The following TMEM132D variants were observed in gnomAD, a reference collection of about 807,000 sequenced individuals.
TMEM132D encodes the protein mature OL transmembrane protein.
A neutral mutation model predicts 62.3 loss-of-function variants in TMEM132D; 21 were observed. The observed-to-expected ratio is 0.34, with a 90% confidence interval of 0.24 to 0.49. The LOEUF is 0.49. Among genes scored for constraint, TMEM132D ranks in the 20% least tolerant of loss-of-function variants. TMEM132D has a pLI of 0.99. For synonymous variants in TMEM132D, 621 were observed against 575.6 expected, an observed-to-expected ratio of 1.08 and a Z score of -1.13; for missense variants, 1,346 against 1,402.8, an observed-to-expected ratio of 0.96 and a Z score of 0.65.
chr12:129,456,043 G>T (rs745308529), intron 3 of TMEM132D, among the ~76,000 whole-genome samples: 3 of 152,202 alleles, frequency 2.0e-5, no homozygotes, highest in Non-Finnish European at 2.9e-5. Context: ...GATGTTAGCA[G>T]ACAGAACCAT....
chr12:129,179,252 A>G (rs1332718117), intron 5 of TMEM132D, among the ~76,000 whole-genome samples: 1 of 152,212 alleles, frequency 6.6e-6, no homozygotes, highest in Non-Finnish European at 1.5e-5. Context: ...GTATTGCTCC[A>G]ACAATGAAAT....
chr12:129,664,264 C>T (rs908675950), intron 2 of TMEM132D, among the ~76,000 whole-genome samples: 1 of 152,122 alleles, frequency 6.6e-6, no homozygotes, highest in Non-Finnish European at 1.5e-5. Context: ...GCCTCTGGAC[C>T]TTTTGGGCAA....
At chr12:129,369,901 C>G (rs543136302) in intron 3 of TMEM132D, among the ~76,000 whole-genome samples, 2 of 152,122 alleles carry the variant, frequency 1.3e-5, no homozygotes, top group African/African-American at 4.8e-5. Context: ...GATATGGTAC[C>G]GGGGAAGGGA....
intron 5 of TMEM132D, among the ~76,000 whole-genome samples, chr12:129,206,938 G>A (rs914488642): frequency 1.3e-5 from 2 of 152,088 alleles, no homozygotes; most frequent in East Asian, 3.9e-4. Context: ...CACACACTGG[G>A]GTCTATGGAA....
intron 3 of TMEM132D, among the ~76,000 whole-genome samples, chr12:129,486,872 C>T (rs576036328): frequency 6.6e-6 from 1 of 151,718 alleles, no homozygotes; most frequent in Non-Finnish European, 1.5e-5. Context: ...ATAGAAACAG[C>T]CTTGAACAAA....
In TMEM132D at chr12:129,080,868, G is replaced by A. The variant is rs1179236490; in HGVS notation, c.1923+891C>T. Among the ~76,000 whole-genome samples the A allele has an allele frequency of 2.6e-5, 4 of 152,284 alleles. No individual in the cohort carries two copies. In the South Asian group the frequency reaches 6.2e-4, roughly 24 times the overall value. Reference sequence around the variant, plus strand: ...CCTCCCAGAACACTGTTTTGTTAAAGTGTTTCAAAACCCAAGTGTTGCCAC... The same window carrying A: ...CCTCCCAGAACACTGTTTTGTTAAAATGTTTCAAAACCCAAGTGTTGCCAC... On this transcript the variant is annotated intron_variant, in intron 7 of 8. Coordinates refer to ENST00000422113, the MANE Select transcript of TMEM132D (RefSeq NM_133448.3).
intron 1 of TMEM132D, among the ~76,000 whole-genome samples, chr12:129,776,227 C>A (rs1870917238): frequency 6.6e-6 from 1 of 152,066 alleles, no homozygotes; most frequent in African/African-American, 2.4e-5. Flanking sequence ...GCCAATTGCT[C>A]CATAACCACA....
At chr12:129,678,224 A>G (rs1322998092) in intron 2 of TMEM132D, among the ~76,000 whole-genome samples, 5 of 152,132 alleles carry the variant, frequency 3.3e-5, no homozygotes, top group African/African-American at 1.2e-4. Context: ...GTCATTCCCA[A>G]TTATTTTCTG....
chr12:129,344,110 G>A (rs748354271), intron 3 of TMEM132D, among the ~76,000 whole-genome samples: 4 of 152,296 alleles, frequency 2.6e-5, no homozygotes, highest in African/African-American at 7.2e-5. Flanking sequence ...TCTGTCTGTG[G>A]AGTAGCTGTC....
chr12:129,828,912 C>G, intron 1 of TMEM132D, among the ~76,000 whole-genome samples: 1 of 151,544 alleles, frequency 6.6e-6, no homozygotes, highest in Non-Finnish European at 1.5e-5. Flanking sequence ...CCAGAGCCAT[C>G]TGCACCTTGC....
chr12:129,419,369 C>T (rs1007971076), intron 3 of TMEM132D, among the ~76,000 whole-genome samples: 1 of 152,118 alleles, frequency 6.6e-6, no homozygotes, highest in Non-Finnish European at 1.5e-5. Flanking sequence ...CTGCAAGAGG[C>T]TCTTTTCCCT....
At chr12:129,171,351 C>A (rs980080671) in intron 5 of TMEM132D, among the ~76,000 whole-genome samples, 1 of 152,194 alleles carries the variant, frequency 6.6e-6, no homozygotes, top group African/African-American at 2.4e-5. Flanking sequence ...GCACTGACTT[C>A]CTGCACTGAA....
Position 129,297,209 on chromosome 12 carries a change from G to T in TMEM132D, c.1299+40425C>A, listed in dbSNP as rs12299086. Reference sequence around the variant, plus strand: ...AGGGGGCTGGAAAAACTGGCTGAAGGTCCTGGAACCAGGTGGGGCAGACAG... The same window carrying T: ...AGGGGGCTGGAAAAACTGGCTGAAGTTCCTGGAACCAGGTGGGGCAGACAG... On this transcript the variant is annotated intron_variant, in intron 4 of 8. Coordinates refer to ENST00000422113, the MANE Select transcript of TMEM132D (RefSeq NM_133448.3). 8.2e-3 allele frequency among the ~76,000 whole-genome samples: 1,245 copies of T among 152,274 alleles called. 43 individuals are homozygous for T. Among genetic ancestry groups the T allele is most frequent in the Admixed American group, 0.054 (827 of 15,290 alleles).
At chr12:129,124,823 G>C (rs1408344481) in intron 5 of TMEM132D, among the ~76,000 whole-genome samples, 1 of 152,130 alleles carries the variant, frequency 6.6e-6, no homozygotes, top group East Asian at 1.9e-4. Context: ...TTTGGAAACT[G>C]CTTGGTCTTT....
chr12:129,441,098 C>G (rs1170690088), intron 3 of TMEM132D, among the ~76,000 whole-genome samples: 2 of 152,132 alleles, frequency 1.3e-5, no homozygotes, highest in Non-Finnish European at 2.9e-5. Context: ...TAATCCAGGG[C>G]ACTGGTTTAG....
chr12:129,782,908 G>A (rs1359794917), intron 1 of TMEM132D, among the ~76,000 whole-genome samples: 1 of 152,224 alleles, frequency 6.6e-6, no homozygotes, highest in Non-Finnish European at 1.5e-5. Flanking sequence ...ATATTCTGAG[G>A]AGGAGACAGG....
At chr12:129,117,621 G>C (rs986742985) in intron 5 of TMEM132D, among the ~76,000 whole-genome samples, 2 of 152,144 alleles carry the variant, frequency 1.3e-5, no homozygotes, top group Non-Finnish European at 2.9e-5. Context: ...CTTTCTCCTG[G>C]GGCTGCACTT....
chr12:129,460,905 G>C (rs7300058), intron 3 of TMEM132D, among the ~76,000 whole-genome samples: 31,085 of 152,108 alleles, frequency 0.2, 3,179 homozygotes, highest in Middle Eastern at 0.23. Context: ...GACTGCCAGA[G>C]ACAGAGAAGC....
intron 4 of TMEM132D, among the ~76,000 whole-genome samples, chr12:129,278,639 C>T (rs1881061087): frequency 6.6e-6 from 1 of 152,118 alleles, no homozygotes; most frequent in African/African-American, 2.4e-5. Context: ...GAGGTCCCTC[C>T]AGCATTAAGA....
Sources: gnomAD v4.1 joint callset for allele counts (sites outside exome capture counted in the v4.1 genomes callset) on GRCh38, gnomAD v4.1.1 for gene constraint, MANE v1.5 for transcripts, NCBI Gene and HGNC (gene_info 2026-07-23, HGNC 2026-07-21) for gene names.